SH3GL2: variants seen among roughly 807,000 people sequenced by gnomAD.
SH3GL2 encodes the protein SH3 domain containing GRB2 like 2, endophilin A1.
In SH3GL2, 24 loss-of-function variants were observed where a neutral mutation model predicts 46.0. The ratio of observed to expected loss-of-function variants is 0.52; its 90% confidence interval spans 0.38 to 0.73. The LOEUF is 0.73. Among genes scored for constraint, SH3GL2 ranks in the 30% least tolerant of loss-of-function variants. The pLI, the probability that SH3GL2 is intolerant of heterozygous loss-of-function variation, is 0.00. For synonymous variants in SH3GL2, 196 were observed against 147.1 expected, an observed-to-expected ratio of 1.33 and a Z score of -2.40; for missense variants, 413 against 424.2, an observed-to-expected ratio of 0.97 and a Z score of 0.23.
rs1823987753 is a variant in SH3GL2, at chr9:17,787,297, G to A, written c.332-83G>A. The A allele has an allele frequency of 2.9e-5, 32 of 1,107,316 alleles. No homozygotes were observed. In the South Asian group the frequency reaches 4.4e-4, roughly 15 times the overall value. The allele number at this position is 1,107,316 out of a possible 1,614,324, so 68.6% of individuals were successfully genotyped here. A position where few individuals can be genotyped will look rare whatever the true frequency, so the allele number is the denominator to read the frequency against. ...TTAGAAGACAAGTGGTAATCCTTTG[G>A]GTTTTCATCTGTGAAGGGCCCTGTT... On this transcript the variant is annotated intron_variant, in intron 4 of 8. Coordinates refer to ENST00000380607, the MANE Select transcript of SH3GL2 (RefSeq NM_003026.5).
chr9:17,645,858 G>A (rs1017356105), intron 1 of SH3GL2, among the ~76,000 whole-genome samples: 1 of 152,056 alleles, frequency 6.6e-6, no homozygotes, highest in African/African-American at 2.4e-5. Flanking sequence ...TCTTGGGGTT[G>A]CTCTTCTTGA....
At chr9:17,764,631 G>A (rs1290271060) in intron 3 of SH3GL2, among the ~76,000 whole-genome samples, 6 of 151,262 alleles carry the variant, frequency 4.0e-5, no homozygotes, top group East Asian at 3.9e-4. Flanking sequence ...TTGATGCTTC[G>A]AGGGTACTTT....
intron 1 of SH3GL2, among the ~76,000 whole-genome samples, chr9:17,672,100 C>A (rs1417544599): frequency 6.6e-6 from 1 of 152,136 alleles, no homozygotes; most frequent in African/African-American, 2.4e-5. Flanking sequence ...TTGTTTTGAC[C>A]TAAATCTACT....
chr9:17,581,708 A>G (rs143404706), intron 1 of SH3GL2, among the ~76,000 whole-genome samples: 24 of 152,008 alleles, frequency 1.6e-4, no homozygotes, highest in East Asian at 1.2e-3. Context: ...TTATTTATTT[A>G]TTCATTTGAG....
chr9:17,719,673 G>T (rs1430740755), intron 1 of SH3GL2, among the ~76,000 whole-genome samples: 1 of 151,830 alleles, frequency 6.6e-6, no homozygotes, highest in African/African-American at 2.4e-5. Context: ...TGCACCTGTG[G>T]TCCTGGCTAT....
Position 17,760,655 on chromosome 9 carries a change from A to G in SH3GL2, c.115-782A>G, listed in dbSNP as rs369029988. Reference sequence around the variant, plus strand: ...ACTTTCATTTATACCTATGTCATATATTACATGTACATACCTTGAATAGGA... The same window carrying G: ...ACTTTCATTTATACCTATGTCATATGTTACATGTACATACCTTGAATAGGA... On this transcript the variant is annotated intron_variant, in intron 2 of 8. Transcript: ENST00000380607. Among the ~76,000 whole-genome samples, 4 of 152,284 alleles carry G rather than the reference A, an allele frequency of 2.6e-5. No homozygotes were observed. In the South Asian group the frequency reaches 6.2e-4, roughly 24 times the overall value.
chr9:17,792,656 G>A (rs1824166154), intron 7 of SH3GL2, among the ~76,000 whole-genome samples: 1 of 151,962 alleles, frequency 6.6e-6, no homozygotes, highest in Non-Finnish European at 1.5e-5. Context: ...ACCTTCTCAT[G>A]TTCTGAATAG....
rs2145657 is a variant in SH3GL2 at position 17,608,817 on chromosome 9, A to G, written c.45+29530A>G. 1.3e-3 allele frequency among the ~76,000 whole-genome samples: 205 copies of G among 152,346 alleles called. 1 individual carries two copies. The highest frequency in any genetic ancestry group is 2.2e-3 in the Non-Finnish European group (153 of 68,028). ...GAACATGAATTATTTTCTGTAACGT[A>G]CAAGTGGAAACAATTTAATCAATCC... On this transcript the variant is annotated intron_variant, in intron 1 of 8. Transcript: ENST00000380607.
At chr9:17,592,464 A>T (rs1421435331) in intron 1 of SH3GL2, among the ~76,000 whole-genome samples, 1 of 152,232 alleles carries the variant, frequency 6.6e-6, no homozygotes, top group Non-Finnish European at 1.5e-5. Flanking sequence ...ATTTTCTTAA[A>T]TGGAAAAATC....
chr9:17,648,751 CTG>C (rs1157220762), intron 1 of SH3GL2, among the ~76,000 whole-genome samples: 1 of 152,138 alleles, frequency 6.6e-6, no homozygotes, highest in Admixed American at 6.5e-5. Flanking sequence ...TTTCTTAAGT[CTG>C]TGTGAAATGT....
intron 1 of SH3GL2, among the ~76,000 whole-genome samples, chr9:17,651,548 C>T (rs904970284): frequency 1.3e-5 from 2 of 152,156 alleles, no homozygotes; most frequent in African/African-American, 2.4e-5. Context: ...TTATATTTGA[C>T]AGCTTTGCAG....
intron 1 of SH3GL2, among the ~76,000 whole-genome samples, chr9:17,587,755 G>T (rs149730186): frequency 1.1e-3 from 173 of 152,258 alleles, no homozygotes; most frequent in African/African-American, 4.1e-3. Context: ...GCCTACGCCT[G>T]TAGTCCCAGC....
At position 17,620,436 on chromosome 9, in the gene SH3GL2, C is replaced by T. The variant is rs147065505; in HGVS notation, c.45+41149C>T. On this transcript the variant is annotated intron_variant, in intron 1 of 8. Coordinates refer to ENST00000380607, the MANE Select transcript of SH3GL2 (RefSeq NM_003026.5). Reference sequence around the variant, plus strand: ...TTACTTAATTTATTACTCCCAACAACCCTATGAGGTAGATACTATTATTGT... The same window carrying T: ...TTACTTAATTTATTACTCCCAACAATCCTATGAGGTAGATACTATTATTGT... 1.9e-4 allele frequency among the ~76,000 whole-genome samples: 29 copies of T among 152,290 alleles called. No homozygotes were observed. In the East Asian group the frequency reaches 3.3e-3, roughly 17 times the overall value.
At chr9:17,751,421 A>G (rs749293812) in intron 2 of SH3GL2, among the ~76,000 whole-genome samples, 18 of 152,094 alleles carry the variant, frequency 1.2e-4, no homozygotes, top group Non-Finnish European at 2.4e-4. Flanking sequence ...CTGGCTCAAT[A>G]TAAGAAAAAC....
intron 1 of SH3GL2, among the ~76,000 whole-genome samples, chr9:17,623,793 C>T (rs1421121053): frequency 2.6e-5 from 4 of 151,616 alleles, no homozygotes; most frequent in Non-Finnish European, 4.4e-5. Flanking sequence ...TATCATGGTC[C>T]TTTACTTCTA....
intron 3 of SH3GL2, among the ~76,000 whole-genome samples, chr9:17,778,780 C>A (rs1823717892): frequency 6.6e-6 from 1 of 151,968 alleles, no homozygotes; most frequent in Non-Finnish European, 1.5e-5. Flanking sequence ...GTAGAGCTGA[C>A]CGAATTTGCT....
intron 1 of SH3GL2, among the ~76,000 whole-genome samples, chr9:17,713,252 ATCC>A (rs1348763034): frequency 9.9e-5 from 15 of 151,580 alleles, no homozygotes; most frequent in Non-Finnish European, 1.0e-4. Context: ...CTGTAGTGAT[ATCC>A]TCTATCATTT....
intron 3 of SH3GL2, among the ~76,000 whole-genome samples, chr9:17,765,539 T>G (rs927406981): frequency 6.6e-6 from 1 of 152,246 alleles, no homozygotes; most frequent in South Asian, 2.1e-4. Context: ...GGTCATATTA[T>G]GTAAAACCCT....
chr9:17,705,979 T>A (rs907670676), intron 1 of SH3GL2, among the ~76,000 whole-genome samples: 1 of 152,018 alleles, frequency 6.6e-6, no homozygotes, highest in Non-Finnish European at 1.5e-5. Flanking sequence ...TCCATCCAAT[T>A]TGTTTTAAAA....
Sources: allele counts gnomAD v4.1 joint callset (sites outside exome capture counted in the v4.1 genomes callset), GRCh38; gene constraint gnomAD v4.1.1; transcripts MANE v1.5; gene names NCBI Gene and HGNC (gene_info 2026-07-23, HGNC 2026-07-21).